The following NPAS3 variants were observed in gnomAD, a reference collection of about 807,000 sequenced individuals.
The protein encoded by NPAS3 is neuronal PAS domain protein 3.
A neutral mutation model predicts 73.1 loss-of-function variants in NPAS3; 14 were observed. The ratio of observed to expected loss-of-function variants is 0.19; its 90% CI spans 0.13 to 0.30. NPAS3 has a LOEUF of 0.30. Among genes scored for constraint, NPAS3 ranks in the 10% least tolerant of loss-of-function variants. NPAS3 has a pLI of 1.00. For synonymous variants in NPAS3, 620 were observed against 541.5 expected (o/e 1.14, Z -2.01); for missense variants, 1,096 against 1,250.0 (o/e 0.88, Z 1.86).
At chr14:33,801,990 T>C (rs1007923191), downstream of NPAS3, 1 of 152,084 alleles carries the variant, frequency 6.6e-6, no homozygotes, top group Non-Finnish European at 1.5e-5. Context: ...CTAACAAACA[T>C]AGCCTCACAT....
intron 2 of NPAS3, among the ~76,000 whole-genome samples, chr14:33,159,443 G>T (rs2044768703): frequency 6.6e-6 from 1 of 151,682 alleles, no homozygotes; most frequent in South Asian, 2.1e-4. Flanking sequence ...GTCAACTTCA[G>T]ATTTCTTTTG....
Position 33,661,358 on chromosome 14 carries a change from C to T in NPAS3, c.559-14853C>T, listed in dbSNP as rs181816973. ...GCAGAGGAAGTTATTATTGAGTGAC[C>T]TTCTACAAAATAAGCATGTTGCTAA... On this transcript the variant is annotated intron_variant, in intron 5 of 11. Transcript: ENST00000356141. Among the ~76,000 whole-genome samples the T allele has an allele frequency of 7.9e-5, 12 of 152,282 alleles. No homozygotes were observed. The East Asian group carries it at 2.3e-3, about 29-fold the overall frequency.
At chr14:33,706,160 C>A (rs1012282393) in intron 6 of NPAS3, among the ~76,000 whole-genome samples, 2 of 152,210 alleles carry the variant, frequency 1.3e-5, no homozygotes, top group South Asian at 4.1e-4. Flanking sequence ...TTCCTCTCAG[C>A]CTCCTACATT....
intron 9 of NPAS3, chr14:33,780,718 T>C (rs887125970): frequency 4.7e-6 from 2 of 428,980 alleles, no homozygotes; most frequent in African/African-American, 4.1e-5. Context: ...ATATGTTTGA[T>C]GCCTTTCTTT....
chr14:33,285,949 C>A (rs1205886020), intron 3 of NPAS3, among the ~76,000 whole-genome samples: 1 of 152,144 alleles, frequency 6.6e-6, no homozygotes, highest in Non-Finnish European at 1.5e-5. Context: ...GTAACCTTCC[C>A]CATCCCAACC....
chr14:33,615,981 T>C (rs564220877), intron 5 of NPAS3, among the ~76,000 whole-genome samples: 18 of 152,332 alleles, frequency 1.2e-4, no homozygotes, highest in Non-Finnish European at 2.5e-4. Flanking sequence ...ATGAGCCCAA[T>C]AGAAAGTCCA....
At chr14:33,162,034 A>C (rs2044910461) in intron 2 of NPAS3, among the ~76,000 whole-genome samples, 2 of 152,210 alleles carry the variant, frequency 1.3e-5, no homozygotes, top group African/African-American at 4.8e-5. Context: ...AGGCTTCTTC[A>C]TTCCTGGCAG....
intron 6 of NPAS3, among the ~76,000 whole-genome samples, chr14:33,679,753 T>C (rs1468207975): frequency 1.3e-5 from 2 of 152,200 alleles, no homozygotes; most frequent in Non-Finnish European, 1.5e-5. Flanking sequence ...GAGGCAGTGA[T>C]ACTATGCCAC....
chr14:32,960,563 A>G (rs1036531045), intron 1 of NPAS3, among the ~76,000 whole-genome samples: 4 of 152,202 alleles, frequency 2.6e-5, no homozygotes, highest in Non-Finnish European at 4.4e-5. Flanking sequence ...TTCATGCACT[A>G]TTACAGCTTT....
At chr14:33,740,795 T>G (rs1367146727) in intron 7 of NPAS3, among the ~76,000 whole-genome samples, 1 of 152,216 alleles carries the variant, frequency 6.6e-6, no homozygotes, top group African/African-American at 2.4e-5. Context: ...TAGCCTGTGG[T>G]GATCACAATT....
At chr14:33,461,771 G>A (rs527409752) in intron 4 of NPAS3, among the ~76,000 whole-genome samples, 25 of 152,350 alleles carry the variant, frequency 1.6e-4, no homozygotes, top group African/African-American at 3.6e-4. Flanking sequence ...CGAAGAGGAA[G>A]CATAGCTTAG....
chr14:33,199,385 A>T (rs902933676), intron 2 of NPAS3, among the ~76,000 whole-genome samples: 1 of 152,114 alleles, frequency 6.6e-6, no homozygotes, highest in African/African-American at 2.4e-5. Flanking sequence ...CTTTTACAAA[A>T]ATTTCCTCCT....
At chr14:33,764,315 CAAGAGAAACAAACA>C (rs1248424794) in intron 7 of NPAS3, among the ~76,000 whole-genome samples, 3 of 152,038 alleles carry the variant, frequency 2.0e-5, no homozygotes, top group Non-Finnish European at 4.4e-5. Flanking sequence ...CTAGCAAACT[CAAGAGAAACAAACA>C]AAGAGAAACA....
intron 4 of NPAS3, among the ~76,000 whole-genome samples, chr14:33,423,156 C>A (rs959448623): frequency 2.6e-5 from 4 of 152,020 alleles, no homozygotes; most frequent in African/African-American, 9.7e-5. Flanking sequence ...GTTTTGAGGA[C>A]AAGTTGGGTT....
At chr14:33,218,688 C>T (rs1475412131) in intron 3 of NPAS3, among the ~76,000 whole-genome samples, 1 of 152,066 alleles carries the variant, frequency 6.6e-6, no homozygotes, top group Non-Finnish European at 1.5e-5. Context: ...ATTGTGGTGG[C>T]AACATTTTTT....
intron 3 of NPAS3, among the ~76,000 whole-genome samples, chr14:33,283,558 A>C (rs1024758108): frequency 1.3e-5 from 2 of 152,086 alleles, no homozygotes; most frequent in African/African-American, 4.8e-5. Flanking sequence ...ATCTGACCAC[A>C]TTTTCTTGCC....
At chr14:33,073,917 T>C (rs1037958912) in intron 2 of NPAS3, among the ~76,000 whole-genome samples, 1 of 152,098 alleles carries the variant, frequency 6.6e-6, no homozygotes, top group African/African-American at 2.4e-5. Context: ...GCATAGATTG[T>C]TTCGTGTTTT....
chr14:33,567,777 C>T (rs980654183), intron 5 of NPAS3, among the ~76,000 whole-genome samples: 1 of 152,176 alleles, frequency 6.6e-6, no homozygotes, highest in African/African-American at 2.4e-5. Context: ...TTCATCAGTG[C>T]CCAAATGGGA....
At chr14:33,465,062 T>A (rs1450244466) in intron 4 of NPAS3, among the ~76,000 whole-genome samples, 1 of 152,002 alleles carries the variant, frequency 6.6e-6, no homozygotes, top group African/African-American at 2.4e-5. Context: ...AGTCACTCAC[T>A]ATTAAATTCC....
Sources: gnomAD v4.1 joint callset for allele counts (sites outside exome capture counted in the v4.1 genomes callset) on GRCh38, gnomAD v4.1.1 for gene constraint, MANE v1.5 for transcripts, NCBI Gene and HGNC (gene_info 2026-07-23, HGNC 2026-07-21) for gene names.